The following LRRC37A2 variants were observed in gnomAD, a reference collection of about 807,000 sequenced individuals.
The protein encoded by LRRC37A2 is leucine rich repeat containing 37 member A2, also known as leucine-rich repeat-containing protein 37A2.
LRRC37A2 carries 9 observed loss-of-function variants against 68.8 expected under a neutral mutation model. That is an observed-to-expected ratio of 0.13 (90% CI 0.08 to 0.23). The LOEUF (loss-of-function observed/expected upper bound fraction) is 0.23, where lower values mean the gene tolerates loss of function less well. Ranked by LOEUF, LRRC37A2 falls within the 10% of genes least tolerant of loss-of-function variation. The pLI is 1.00. For synonymous variants in LRRC37A2, 63 were observed against 367.6 expected (o/e 0.17, Z 9.48); for missense variants, 168 against 950.4 (o/e 0.18, Z 10.82).
At chr17:46,808,520 G>T in the LRRC37A2 span, among the ~76,000 whole-genome samples, 1 of 152,210 alleles carries the variant, frequency 6.6e-6, no homozygotes, top group Non-Finnish European at 1.5e-5. Context: ...GTCCAACAGG[G>T]TGTGGGCTCA....
chr17:46,950,693 C>T, the LRRC37A2 span, among the ~76,000 whole-genome samples: 1,264 of 152,294 alleles, frequency 8.3e-3, 8 homozygotes, highest in Middle Eastern at 0.034. Context: ...GCCCGGGGCC[C>T]TGCTCAGTGG....
chr17:46,934,360 A>G, the LRRC37A2 span, among the ~76,000 whole-genome samples: 1 of 152,128 alleles, frequency 6.6e-6, no homozygotes, highest in South Asian at 2.1e-4. Context: ...AAAAAGAGAA[A>G]GAAAGAAAGA....
chr17:46,497,660 C>T, the LRRC37A2 span, among the ~76,000 whole-genome samples: 1 of 149,948 alleles, frequency 6.7e-6, no homozygotes, highest in South Asian at 2.1e-4. Context: ...TGTATCTATA[C>T]TTTCAGTGTA....
the LRRC37A2 span, among the ~76,000 whole-genome samples, chr17:46,812,672 C>A: frequency 6.6e-6 from 1 of 152,128 alleles, no homozygotes; most frequent in African/African-American, 2.4e-5. Flanking sequence ...CCAGCACCCT[C>A]AACTTAAGAA....
At chr17:46,988,471 A>T in the LRRC37A2 span, among the ~76,000 whole-genome samples, 4 of 152,230 alleles carry the variant, frequency 2.6e-5, no homozygotes, top group African/African-American at 9.6e-5. Flanking sequence ...TGTTAATTTT[A>T]TGTTATGTGT....
At chr17:46,932,000 GCCTGGCC>G in the LRRC37A2 span, 1 of 1,447,320 alleles carries the variant, frequency 6.9e-7, no homozygotes, top group Non-Finnish European at 9.7e-7. Context: ...TCAGTACAAA[GCCTGGCC>G]CCCTCAGATT....
At chr17:46,839,734 T>C in the LRRC37A2 span, among the ~76,000 whole-genome samples, 4 of 152,102 alleles carry the variant, frequency 2.6e-5, no homozygotes, top group African/African-American at 9.6e-5. Context: ...CCTGTGTCCA[T>C]GTGTTCTGAT....
At chr17:46,815,042 C>T in the LRRC37A2 span, among the ~76,000 whole-genome samples, 15 of 152,118 alleles carry the variant, frequency 9.9e-5, no homozygotes, top group Non-Finnish European at 2.1e-4. Context: ...GATGGGTGGC[C>T]ACTGGTCCTC....
the LRRC37A2 span, chr17:46,886,346 A>G: frequency 6.6e-6 from 1 of 152,230 alleles, no homozygotes; most frequent in Non-Finnish European, 1.5e-5. Context: ...GCATAGAACT[A>G]TTGGGCCCCT....
the LRRC37A2 span, among the ~76,000 whole-genome samples, chr17:46,957,004 A>G: frequency 6.6e-6 from 1 of 152,196 alleles, no homozygotes; most frequent in Admixed American, 6.5e-5. Context: ...CTGCCCGCTG[A>G]CAGGTGAATC....
chr17:46,935,978 T>C, the LRRC37A2 span: 1 of 985,800 alleles, frequency 1.0e-6, no homozygotes, highest in Admixed American at 6.1e-5. Flanking sequence ...GAGCTTTATC[T>C]TAGTTTTTGT....
the LRRC37A2 span, among the ~76,000 whole-genome samples, chr17:46,492,623 A>G: frequency 1.1e-4 from 16 of 150,188 alleles, no homozygotes; most frequent in Non-Finnish European, 1.8e-4. Context: ...CTTACCTGCA[A>G]ATGTATGAAG....
chr17:46,694,385 T>C, the LRRC37A2 span: 1 of 1,087,020 alleles, frequency 9.2e-7, no homozygotes, highest in Non-Finnish European at 1.3e-6. Context: ...AGACTCTGTC[T>C]CAAAATAATA....
the LRRC37A2 span, chr17:47,024,741 C>T: frequency 1.2e-6 from 1 of 839,306 alleles, no homozygotes; most frequent in South Asian, 1.3e-5. Flanking sequence ...CCTGCTATCC[C>T]TCCAGTATTT....
the LRRC37A2 span, chr17:46,749,880 A>C: frequency 6.2e-7 from 1 of 1,614,118 alleles, no homozygotes; most frequent in Non-Finnish European, 8.5e-7. Flanking sequence ...ACATTGCCAC[A>C]GGAGAGCAGC....
chr17:46,902,289 T>C, the LRRC37A2 span, among the ~76,000 whole-genome samples: 3 of 152,194 alleles, frequency 2.0e-5, no homozygotes, highest in African/African-American at 7.2e-5. Context: ...AGTCTTCAGC[T>C]GTAAATTGAT....
the LRRC37A2 span, among the ~76,000 whole-genome samples, chr17:46,819,210 C>T: frequency 4.6e-5 from 7 of 152,320 alleles, no homozygotes; most frequent in Middle Eastern, 3.4e-3. The surrounding 1 kb of genome is among the most constrained non-coding windows in gnomAD (Gnocchi z 5.3). Context: ...AGCTTCCAGC[C>T]TCCCGAGTCC....
the LRRC37A2 span, among the ~76,000 whole-genome samples, chr17:46,562,237 C>CA: frequency 0.35 from 9,120 of 25,992 alleles, 4,376 homozygotes; most frequent in East Asian, 0.99. Context: ...GAGTCTTTAA[C>CA]AAAAAAAAAA....
chr17:47,036,826 A>C, the LRRC37A2 span, among the ~76,000 whole-genome samples: 1 of 149,350 alleles, frequency 6.7e-6, no homozygotes, highest in Admixed American at 6.8e-5. Flanking sequence ...GGTGCCTTAA[A>C]TTGCATTATA....
Sources: allele counts gnomAD v4.1 joint callset (sites outside exome capture counted in the v4.1 genomes callset), GRCh38; gene constraint gnomAD v4.1.1; non-coding constraint Gnocchi (gnomAD v3.1); transcripts MANE v1.5; gene names NCBI Gene and HGNC (gene_info 2026-07-23, HGNC 2026-07-21).